Variants in QTMAN observed in about 807,000 individuals in gnomAD.
QTMAN encodes the protein queuosine-tRNA mannosyltransferase.
chr2:144,195,623 C>T, the QTMAN span, among the ~76,000 whole-genome samples: 1 of 152,048 alleles, frequency 6.6e-6, no homozygotes, highest in East Asian at 1.9e-4. Flanking sequence ...GTTTCTATGT[C>T]TTATGTGTAT....
At chr2:144,018,242 T>C in the QTMAN span, among the ~76,000 whole-genome samples, 2 of 152,192 alleles carry the variant, frequency 1.3e-5, no homozygotes, top group Non-Finnish European at 2.9e-5. Context: ...ATAAAAAATC[T>C]AGTCTTTTTT....
the QTMAN span, among the ~76,000 whole-genome samples, chr2:144,212,703 A>AT: frequency 6.6e-6 from 1 of 152,150 alleles, no homozygotes. Context: ...ATTTTAATCA[A>AT]TTTTTAAGTT....
the QTMAN span, among the ~76,000 whole-genome samples, chr2:144,088,430 C>A: frequency 6.6e-6 from 1 of 152,072 alleles, no homozygotes; most frequent in Admixed American, 6.5e-5. Context: ...CAATCCCTAT[C>A]CAAATACCAA....
At chr2:144,197,398 T>C in the QTMAN span, among the ~76,000 whole-genome samples, 1 of 152,066 alleles carries the variant, frequency 6.6e-6, no homozygotes, top group African/African-American at 2.4e-5. Context: ...AAAGCAGTAT[T>C]ACATTAGATT....
chr2:143,993,160 G>T, the QTMAN span, among the ~76,000 whole-genome samples: 151,174 of 152,332 alleles, frequency 0.99, 75,025 homozygotes, highest in East Asian at 1. Flanking sequence ...TTGATTAATA[G>T]GTACTGTAAG....
At chr2:144,215,190 C>T in the QTMAN span, among the ~76,000 whole-genome samples, 1 of 151,416 alleles carries the variant, frequency 6.6e-6, no homozygotes, top group Non-Finnish European at 1.5e-5. Flanking sequence ...TACAGTGAGC[C>T]ATGATTGTGC....
At chr2:144,022,609 G>A in the QTMAN span, among the ~76,000 whole-genome samples, 9 of 122,052 alleles carry the variant, frequency 7.4e-5, no homozygotes, top group African/African-American at 1.6e-4. Flanking sequence ...CTGTCGCCAC[G>A]CTGGAGTGCA....
At chr2:144,232,428 A>G in the QTMAN span, among the ~76,000 whole-genome samples, 2 of 152,238 alleles carry the variant, frequency 1.3e-5, no homozygotes, top group Non-Finnish European at 2.9e-5. Context: ...TGTATTTCCC[A>G]GTATATATGG....
the QTMAN span, among the ~76,000 whole-genome samples, chr2:144,313,989 T>C: frequency 6.6e-6 from 1 of 151,818 alleles, no homozygotes; most frequent in African/African-American, 2.4e-5. Flanking sequence ...TAAAGTTATA[T>C]ATATAATTAT....
chr2:144,054,271 A>T, the QTMAN span, among the ~76,000 whole-genome samples: 1 of 152,142 alleles, frequency 6.6e-6, no homozygotes. Context: ...CTGAATAATA[A>T]TCTGAAGACA....
the QTMAN span, among the ~76,000 whole-genome samples, chr2:144,023,438 G>A: frequency 2.0e-5 from 3 of 152,176 alleles, no homozygotes; most frequent in Non-Finnish European, 4.4e-5. Flanking sequence ...AAAATAATTA[G>A]AAGAAAAATC....
chr2:144,269,564 G>A, the QTMAN span, among the ~76,000 whole-genome samples: 7 of 151,886 alleles, frequency 4.6e-5, no homozygotes, highest in African/African-American at 1.7e-4. Context: ...AAAAATCTAT[G>A]GTCAAAGATA....
the QTMAN span, among the ~76,000 whole-genome samples, chr2:144,065,895 T>C: frequency 6.6e-6 from 1 of 151,562 alleles, no homozygotes; most frequent in African/African-American, 2.4e-5. Context: ...TCAGAGTGGG[T>C]AGTGGTTGAG....
At chr2:144,016,049 G>A in the QTMAN span, among the ~76,000 whole-genome samples, 1 of 152,134 alleles carries the variant, frequency 6.6e-6, no homozygotes, top group Non-Finnish European at 1.5e-5. Context: ...GCCACGTTGA[G>A]TAACACTACA....
At chr2:144,253,099 G>A in the QTMAN span, among the ~76,000 whole-genome samples, 1 of 152,110 alleles carries the variant, frequency 6.6e-6, no homozygotes, top group Non-Finnish European at 1.5e-5. Flanking sequence ...ATGATAGTGA[G>A]TTGTCAAAAG....
the QTMAN span, among the ~76,000 whole-genome samples, chr2:144,223,515 C>A: frequency 2.0e-5 from 3 of 152,112 alleles, no homozygotes; most frequent in Non-Finnish European, 4.4e-5. Context: ...GTACTCTGAC[C>A]TTCTAGAAAA....
At chr2:144,288,276 C>T in the QTMAN span, among the ~76,000 whole-genome samples, 14 of 152,192 alleles carry the variant, frequency 9.2e-5, no homozygotes, top group African/African-American at 2.4e-4. Context: ...TGTTATCCCC[C>T]CTTCTTTGAA....
At chr2:144,265,460 G>A in the QTMAN span, among the ~76,000 whole-genome samples, 2 of 152,158 alleles carry the variant, frequency 1.3e-5, no homozygotes, top group Non-Finnish European at 2.9e-5. Flanking sequence ...CACTTTGGGA[G>A]GCTGAGGGGG....
the QTMAN span, among the ~76,000 whole-genome samples, chr2:143,997,965 G>C: frequency 1.3e-5 from 2 of 151,934 alleles, no homozygotes; most frequent in East Asian, 1.9e-4. Context: ...GGAGTTTGCC[G>C]ATCAGCAGGT....
Sources: allele counts gnomAD v4.1 joint callset (sites outside exome capture counted in the v4.1 genomes callset), GRCh38; gene constraint gnomAD v4.1.1; transcripts MANE v1.5; gene names NCBI Gene and HGNC (gene_info 2026-07-23, HGNC 2026-07-21).